TENM3: variants seen among roughly 807,000 people sequenced by gnomAD.
TENM3 encodes teneurin-3.
A neutral mutation model predicts 255.1 loss-of-function variants in TENM3; 63 were observed. The ratio of observed to expected loss-of-function variants is 0.25; its 90% confidence interval spans 0.20 to 0.30. The LOEUF (loss-of-function observed/expected upper bound fraction) is 0.30, where lower values mean the gene tolerates loss of function less well. Among genes scored for constraint, TENM3 ranks in the 10% least tolerant of loss-of-function variants. TENM3 has a pLI of 1.00. For synonymous variants in TENM3, 1,306 were observed against 1,322.3 expected (o/e 0.99, Z 0.27); for missense variants, 2,929 against 3,461.1 (o/e 0.85, Z 3.86).
Position 182,418,142 on chromosome 4 carries a change from G to C in TENM3, c.511+71213G>C, listed in dbSNP as rs541116992. On this transcript the variant is annotated intron_variant, in intron 3 of 27. Transcript: ENST00000511685. Reference sequence around the variant, plus strand: ...GGAAACAGATGTTTTTGAAAATACTGGTGAAAAAAAAGCAGGCCAAAAAAG... The same window carrying C: ...GGAAACAGATGTTTTTGAAAATACTCGTGAAAAAAAAGCAGGCCAAAAAAG... Among the ~76,000 whole-genome samples the C allele has an allele frequency of 4.6e-5, 7 of 152,072 alleles. No individual in the cohort carries two copies. The East Asian group carries it at 1.4e-3, about 29-fold the overall frequency.
At chr4:181,626,142 T>C in the TENM3 span, among the ~76,000 whole-genome samples, 1 of 152,096 alleles carries the variant, frequency 6.6e-6, no homozygotes, top group African/African-American at 2.4e-5. Context: ...CACAATTGGG[T>C]AAATTGAAGG....
chr4:182,506,194 C>A (rs1417161213), intron 3 of TENM3, among the ~76,000 whole-genome samples: 1 of 152,152 alleles, frequency 6.6e-6, no homozygotes, highest in Non-Finnish European at 1.5e-5. Context: ...GTGCATATGA[C>A]CCCGAAACCA....
At chr4:182,014,673 A>G in the TENM3 span, among the ~76,000 whole-genome samples, 156 of 152,192 alleles carry the variant, frequency 1.0e-3, no homozygotes, top group African/African-American at 3.6e-3. Flanking sequence ...TGAGGTGAGA[A>G]GCAAAACAAA....
intron 1 of TENM3, among the ~76,000 whole-genome samples, chr4:182,262,533 C>T (rs942725548): frequency 1.3e-5 from 2 of 152,058 alleles, no homozygotes; most frequent in Admixed American, 6.5e-5. Context: ...CTCCCACCAG[C>T]GCCACGACAA....
At chr4:182,606,262 G>A (rs1041279551) in intron 4 of TENM3, among the ~76,000 whole-genome samples, 1 of 152,068 alleles carries the variant, frequency 6.6e-6, no homozygotes, top group East Asian at 1.9e-4. Context: ...GGTGGCTCAC[G>A]CCTGTAATCC....
the TENM3 span, among the ~76,000 whole-genome samples, chr4:181,867,974 T>G: frequency 7.9e-5 from 12 of 152,294 alleles, no homozygotes; most frequent in African/African-American, 2.4e-4. Context: ...GAGGAAAAGT[T>G]TTCAAGAAAA....
chr4:181,935,492 A>C, the TENM3 span, among the ~76,000 whole-genome samples: 3 of 152,176 alleles, frequency 2.0e-5, no homozygotes, highest in African/African-American at 7.2e-5. Flanking sequence ...TTATGCCTGA[A>C]AATAAAGCCT....
At chr4:181,519,940 C>T in the TENM3 span, among the ~76,000 whole-genome samples, 2 of 152,196 alleles carry the variant, frequency 1.3e-5, no homozygotes, top group Non-Finnish European at 1.5e-5. Flanking sequence ...TCGTTCGGCA[C>T]ATGCAAGATT....
chr4:181,519,935 C>G, the TENM3 span, among the ~76,000 whole-genome samples: 1 of 152,150 alleles, frequency 6.6e-6, no homozygotes, highest in African/African-American at 2.4e-5. Context: ...ATGACTCGTT[C>G]GGCACATGCA....
At chr4:182,755,325 C>A in intron 22 of TENM3, 66 bp downstream of exon 22, 1 of 1,291,544 alleles carries the variant, frequency 7.7e-7, no homozygotes, top group Non-Finnish European at 1.0e-6. Flanking sequence ...TCTATAATAA[C>A]AATATAATCT....
At chr4:182,552,711 G>A (rs943066126) in intron 3 of TENM3, among the ~76,000 whole-genome samples, 1 of 152,178 alleles carries the variant, frequency 6.6e-6, no homozygotes, top group African/African-American at 2.4e-5. Flanking sequence ...GGCCAAAGAT[G>A]GGAAAGGAAG....
chr4:182,205,584 C>G (rs1045931018), intron 1 of TENM3, among the ~76,000 whole-genome samples: 1 of 152,212 alleles, frequency 6.6e-6, no homozygotes, highest in African/African-American at 2.4e-5. Flanking sequence ...CTCCCCTGGG[C>G]CCCCCCAAAT....
At chr4:181,898,535 T>C in the TENM3 span, among the ~76,000 whole-genome samples, 1 of 152,190 alleles carries the variant, frequency 6.6e-6, no homozygotes, top group African/African-American at 2.4e-5. Context: ...TAAAATATTC[T>C]CTGGTCCCAC....
the TENM3 span, among the ~76,000 whole-genome samples, chr4:181,937,461 C>T: frequency 9.9e-5 from 15 of 152,084 alleles, no homozygotes; most frequent in African/African-American, 3.1e-4. Flanking sequence ...GCTTAGCCAT[C>T]GTAGGAAGAG....
chr4:182,064,225 C>T, the TENM3 span, among the ~76,000 whole-genome samples: 1 of 151,208 alleles, frequency 6.6e-6, no homozygotes, highest in Non-Finnish European at 1.5e-5. Context: ...AATTTGACTT[C>T]ACATAGAGAA....
At chr4:182,325,583 T>A (rs1011509520) in intron 2 of TENM3, among the ~76,000 whole-genome samples, 3 of 152,162 alleles carry the variant, frequency 2.0e-5, no homozygotes, top group African/African-American at 7.2e-5. Flanking sequence ...TTAAACCCAT[T>A]TTTTTCATAT....
intron 24 of TENM3, among the ~76,000 whole-genome samples, chr4:182,784,091 T>C (rs1765406347): frequency 6.6e-6 from 1 of 152,386 alleles, no homozygotes; most frequent in Admixed American, 6.5e-5. Flanking sequence ...GTTCTGTTGC[T>C]GGTGAGGAAC....
intron 4 of TENM3, among the ~76,000 whole-genome samples, chr4:182,625,766 C>G (rs547507461): frequency 5.3e-5 from 8 of 152,246 alleles, no homozygotes; most frequent in Admixed American, 4.6e-4. Context: ...ATGCTTTGCA[C>G]CCTTTAGGCT....
At chr4:181,614,610 T>C in the TENM3 span, among the ~76,000 whole-genome samples, 1 of 152,214 alleles carries the variant, frequency 6.6e-6, no homozygotes, top group Non-Finnish European at 1.5e-5. Flanking sequence ...CATTCAACTG[T>C]TCTTCCTGCT....
Sources: gnomAD v4.1 joint callset for allele counts (sites outside exome capture counted in the v4.1 genomes callset) on GRCh38, gnomAD v4.1.1 for gene constraint, MANE v1.5 for transcripts, NCBI Gene and HGNC (gene_info 2026-07-23, HGNC 2026-07-21) for gene names.